The following TENM2 variants were observed in gnomAD, a reference collection of about 807,000 sequenced individuals.
TENM2 encodes teneurin transmembrane protein 2.
Under a neutral mutation model 245.2 loss-of-function variants are expected in TENM2, and 52 were observed. The ratio of observed to expected loss-of-function variants is 0.21; its 90% confidence interval spans 0.17 to 0.27. The LOEUF (loss-of-function observed/expected upper bound fraction) is 0.27. Among genes scored for constraint, TENM2 ranks in the 10% least tolerant of loss-of-function variants. The pLI, the probability that TENM2 is intolerant of heterozygous loss-of-function variation, is 1.00. For synonymous variants in TENM2, 1,363 were observed against 1,438.9 expected (o/e 0.95, Z 1.19); for missense variants, 3,046 against 3,666.8 (o/e 0.83, Z 4.37).
At chr5:167,505,749 A>G (rs1447847371) in intron 2 of TENM2, among the ~76,000 whole-genome samples, 1 of 152,206 alleles carries the variant, frequency 6.6e-6, no homozygotes, top group Non-Finnish European at 1.5e-5. Context: ...ACAGGCAGGC[A>G]TAAATTTAAA....
At chr5:167,702,452 G>T (rs997770350) in intron 2 of TENM2, among the ~76,000 whole-genome samples, 1 of 151,304 alleles carries the variant, frequency 6.6e-6, no homozygotes, top group Admixed American at 6.6e-5. Flanking sequence ...TATGATTTGG[G>T]TCTTGTGTGT....
chr5:167,012,482 A>G, the TENM2 span, among the ~76,000 whole-genome samples: 1 of 152,234 alleles, frequency 6.6e-6, no homozygotes, highest in Non-Finnish European at 1.5e-5. Context: ...CAGTGTGTGT[A>G]GACAGTAGTG....
intron 2 of TENM2, among the ~76,000 whole-genome samples, chr5:167,799,397 G>A (rs895730196): frequency 6.6e-6 from 1 of 152,086 alleles, no homozygotes; most frequent in Non-Finnish European, 1.5e-5. Context: ...TCTTTTCACT[G>A]TATTTATTTT....
intron 5 of TENM2, among the ~76,000 whole-genome samples, chr5:168,042,955 G>A (rs1250002796): frequency 2.6e-5 from 4 of 152,182 alleles, no homozygotes; most frequent in Admixed American, 6.5e-5. Context: ...CATGGAGCCC[G>A]AGGGTCTCTC....
At chr5:168,073,061 A>C (rs1378944471) in intron 7 of TENM2, among the ~76,000 whole-genome samples, 1 of 152,158 alleles carries the variant, frequency 6.6e-6, no homozygotes, top group South Asian at 2.1e-4. Context: ...CACAGTGCAC[A>C]CTGCATCTAC....
intron 2 of TENM2, among the ~76,000 whole-genome samples, chr5:167,686,204 G>T (rs146135306): frequency 1.3e-5 from 2 of 152,282 alleles, no homozygotes; most frequent in East Asian, 3.9e-4. Flanking sequence ...AGAAGGATAG[G>T]CTATTTCCTT....
chr5:168,259,782 A>G (rs574669390), intron 27 of TENM2, among the ~76,000 whole-genome samples: 1 of 152,340 alleles, frequency 6.6e-6, no homozygotes, highest in East Asian at 1.9e-4. Flanking sequence ...TCCAGCCTCT[A>G]AACACACTGC....
At chr5:167,473,302 C>A in intron 2 of TENM2, among the ~76,000 whole-genome samples, 1 of 152,034 alleles carries the variant, frequency 6.6e-6, no homozygotes, top group African/African-American at 2.4e-5. Flanking sequence ...GTTAACAATA[C>A]TGTTTTTTTG....
At chr5:168,073,473 C>T (rs1388607861) in intron 7 of TENM2, among the ~76,000 whole-genome samples, 1 of 152,202 alleles carries the variant, frequency 6.6e-6, no homozygotes, top group Admixed American at 6.5e-5. Flanking sequence ...TTGACCGAAA[C>T]TCTGCTTTGC....
chr5:167,729,221 G>A (rs531227107), intron 2 of TENM2: 8 of 152,222 alleles, frequency 5.3e-5, no homozygotes, highest in East Asian at 1.9e-4. Context: ...AGATGTTAAC[G>A]TGGAAGCATA....
At chr5:167,834,619 A>G (rs1401802691) in intron 2 of TENM2, among the ~76,000 whole-genome samples, 3 of 150,748 alleles carry the variant, frequency 2.0e-5, no homozygotes, top group Non-Finnish European at 2.9e-5. Context: ...GGGCCATCTC[A>G]CAGTTGTGTC....
At chr5:168,182,490 A>G (rs62383455) in intron 13 of TENM2, among the ~76,000 whole-genome samples, 170 of 152,324 alleles carry the variant, frequency 1.1e-3, no homozygotes, top group South Asian at 4.1e-3. Flanking sequence ...AAACTGAGCC[A>G]CAGGAATTCA....
intron 2 of TENM2, among the ~76,000 whole-genome samples, chr5:167,550,864 G>T (rs1269566688): frequency 1.3e-5 from 2 of 151,962 alleles, no homozygotes; most frequent in East Asian, 3.9e-4. Context: ...AAGTAGCTGG[G>T]ACTACAGGCA....
intron 3 of TENM2, among the ~76,000 whole-genome samples, chr5:167,902,569 G>A (rs1775790096): frequency 6.6e-6 from 1 of 152,160 alleles, no homozygotes; most frequent in Non-Finnish European, 1.5e-5. Flanking sequence ...GTCCTATGGA[G>A]TTACCTCCTC....
intron 3 of TENM2, among the ~76,000 whole-genome samples, chr5:167,919,871 T>G (rs1777218323): frequency 6.6e-6 from 1 of 152,202 alleles, no homozygotes; most frequent in Non-Finnish European, 1.5e-5. Flanking sequence ...ACATCCAGTT[T>G]TATTTGTGTT....
chr5:167,477,402 A>T (rs1434117816), intron 2 of TENM2, among the ~76,000 whole-genome samples: 4 of 148,660 alleles, frequency 2.7e-5, no homozygotes, highest in African/African-American at 4.9e-5. Context: ...ACATTATAAT[A>T]AAAATAGTTA....
At chr5:167,054,881 C>T in the TENM2 span, among the ~76,000 whole-genome samples, 2 of 151,772 alleles carry the variant, frequency 1.3e-5, no homozygotes, top group South Asian at 4.2e-4. Flanking sequence ...TTGGGTTGTT[C>T]ATCTTTTTAT....
At chr5:168,095,236 T>C (rs1424338600) in intron 8 of TENM2, among the ~76,000 whole-genome samples, 1 of 152,126 alleles carries the variant, frequency 6.6e-6, no homozygotes, top group African/African-American at 2.4e-5. Flanking sequence ...GGCAAAAAGG[T>C]TGGGGACCGC....
the TENM2 span, among the ~76,000 whole-genome samples, chr5:167,088,558 C>T: frequency 6.6e-6 from 1 of 151,336 alleles, no homozygotes; most frequent in Non-Finnish European, 1.5e-5. Context: ...ACCTGGGAGG[C>T]GGAGGTTGCA....
Sources: gnomAD v4.1 joint callset for allele counts (sites outside exome capture counted in the v4.1 genomes callset) on GRCh38, gnomAD v4.1.1 for gene constraint, MANE v1.5 for transcripts, NCBI Gene and HGNC (gene_info 2026-07-23, HGNC 2026-07-21) for gene names.